The following ZNF100 variants were observed in gnomAD, a reference collection of about 807,000 sequenced individuals.
ZNF100 encodes the protein zinc finger protein 100, also known as zinc finger protein 100 (Y1).
A neutral mutation model predicts 15.8 loss-of-function variants in ZNF100; 12 were observed. That is an observed-to-expected ratio of 0.76 (90% CI 0.49 to 1.23). ZNF100 has a LOEUF of 1.23. ZNF100 is among the 50% of genes most tolerant of loss of function. The pLI, the probability that ZNF100 is intolerant of heterozygous loss-of-function variation, is 0.00. For synonymous variants in ZNF100, 226 were observed against 214.8 expected (o/e 1.05, Z -0.45); for missense variants, 670 against 635.6 (o/e 1.05, Z -0.58).
chr19:21,745,122 AATTT>A, intron 2 of ZNF100, 55 bp from the exon 3 acceptor site: 3 of 1,551,354 alleles, frequency 1.9e-6, no homozygotes, highest in Non-Finnish European at 1.7e-6. Context: ...CCATGGGCAG[AATTT>A]ATTATTTGAA....
At chr19:21,745,346 G>T (rs371984189) in intron 2 of ZNF100, among the ~76,000 whole-genome samples, 3 of 152,036 alleles carry the variant, frequency 2.0e-5, no homozygotes, top group Non-Finnish European at 4.4e-5. Flanking sequence ...ATACATTTTT[G>T]AGTGTTATTA....
intron 2 of ZNF100, among the ~76,000 whole-genome samples, chr19:21,755,953 G>C (rs2036387034): frequency 6.6e-6 from 1 of 152,138 alleles, no homozygotes; most frequent in East Asian, 1.9e-4. Context: ...TGAGGAGACA[G>C]AACATAGAGG....
intron 2 of ZNF100, among the ~76,000 whole-genome samples, chr19:21,747,124 T>C (rs1481100437): frequency 1.3e-5 from 2 of 152,150 alleles, no homozygotes; most frequent in Non-Finnish European, 2.9e-5. Context: ...CAGCAATTTC[T>C]GCTACAGTAA....
At chr19:21,742,862 T>C (rs949217218) in intron 4 of ZNF100, among the ~76,000 whole-genome samples, 2 of 152,062 alleles carry the variant, frequency 1.3e-5, no homozygotes, top group Non-Finnish European at 2.9e-5. Flanking sequence ...ACAATCTTAT[T>C]TACAATAGCA....
At chr19:21,754,034 T>G (rs910454679) in intron 2 of ZNF100, among the ~76,000 whole-genome samples, 2 of 152,230 alleles carry the variant, frequency 1.3e-5, no homozygotes, top group African/African-American at 4.8e-5. Context: ...ATTAGTGTTC[T>G]CAATTATGTG....
intron 2 of ZNF100, among the ~76,000 whole-genome samples, chr19:21,754,345 CTCA>C (rs1370341418): frequency 2.0e-5 from 3 of 151,834 alleles, no homozygotes; most frequent in East Asian, 1.9e-4. Context: ...GTTTTTATTT[CTCA>C]TGTTTATATT....
chr19:21,765,393 G>GC (rs1407701694), intron 2 of ZNF100, among the ~76,000 whole-genome samples: 2 of 152,172 alleles, frequency 1.3e-5, no homozygotes, highest in African/African-American at 4.8e-5. Context: ...ACTGCATTAT[G>GC]CCCCAGTGAC....
At chr19:21,738,668 C>T (rs1271375487) in intron 4 of ZNF100, among the ~76,000 whole-genome samples, 8 of 151,940 alleles carry the variant, frequency 5.3e-5, no homozygotes, top group African/African-American at 1.5e-4. Context: ...GGTGAAAAAG[C>T]CAGGTTCAGG....
Position 21,738,120 on chromosome 19 carries a change from G to A in ZNF100, c.322+5897C>T, listed in dbSNP as rs185897916. ...ACAAAAATTATCTGGGTGTGGTAGC[G>A]CACGCCTGTGATCCCAGCTACTCAG... On this transcript the variant is annotated intron_variant, in intron 4 of 4. Coordinates refer to ENST00000358296, the MANE Select transcript of ZNF100 (RefSeq NM_173531.4). Among the ~76,000 whole-genome samples the A allele has an allele frequency of 4.1e-3, 616 of 151,556 alleles. 3 individuals carry two copies. The highest frequency in any genetic ancestry group is 0.014 in the African/African-American group (589 of 41,358).
chr19:21,760,087 CAGG>C (rs1293318690), intron 2 of ZNF100, among the ~76,000 whole-genome samples: 1 of 149,174 alleles, frequency 6.7e-6, no homozygotes, highest in Non-Finnish European at 1.5e-5. Context: ...GAGGCTGAGG[CAGG>C]AGAATTGCTT....
In ZNF100 at chr19:21,727,685, T is replaced by G. The variant is rs911429087; in HGVS notation, c.627A>C (p.Lys209Asn). The change falls in exon 5 of 5, where the codon AAA becomes AAC. Residue 209 changes from lysine to asparagine, a missense_variant. Physicochemically the swap from Lys to Asn is moderately conservative, Grantham distance 94. Transcript: ENST00000358296. ...AAAGCATGCAAAATGATTTTTCACA[T>G]TTTTTACATTTGAAAGGTTTCTTTC... ...HTRKKPFKCK[K>N]CEKSFCMLLH... is the part of the protein sequence containing the mutation. 4.3e-6 allele frequency: 7 copies of G among 1,612,934 alleles called. No homozygotes were observed. In the African/African-American group the frequency reaches 6.7e-5, roughly 15 times the overall value.
intron 4 of ZNF100, among the ~76,000 whole-genome samples, chr19:21,740,405 GAT>G (rs2036087003): frequency 6.6e-6 from 1 of 151,914 alleles, no homozygotes; most frequent in South Asian, 2.1e-4. Context: ...CATTTTCTTA[GAT>G]ACAACATTAA....
At chr19:21,762,135 G>C (rs2036492856) in intron 2 of ZNF100, among the ~76,000 whole-genome samples, 1 of 152,034 alleles carries the variant, frequency 6.6e-6, no homozygotes, top group Non-Finnish European at 1.5e-5. Flanking sequence ...CCAAGATCAT[G>C]CCACTGCACT....
intron 2 of ZNF100, chr19:21,751,958 T>A (rs1178620917): frequency 9.2e-6 from 4 of 435,898 alleles, no homozygotes; most frequent in Non-Finnish European, 1.7e-5. Flanking sequence ...GGGACCTTCA[T>A]CTACAAAGAC....
In ZNF100 at chr19:21,726,464, T is replaced by C. The variant is rs2035787196; in HGVS notation, c.*219A>G. ...ACATTTCTAGGATTTCTCAACACTA[T>C]GATTTATGTTTTGAAAAGTTTGAGG... On this transcript the variant is annotated 3_prime_UTR_variant, in exon 5 of 5. Coordinates refer to ENST00000358296, the MANE Select transcript of ZNF100 (RefSeq NM_173531.4). The C allele has an allele frequency of 2.0e-6, 1 of 508,914 alleles. No homozygotes were observed. The highest frequency in any genetic ancestry group is 3.4e-6 in the Non-Finnish European group (1 of 290,776). The allele number at this position is 508,914 out of a possible 1,614,324, so 31.5% of individuals were successfully genotyped here. A position where few individuals can be genotyped will look rare whatever the true frequency, so the allele number is the denominator to read the frequency against.
intron 4 of ZNF100, among the ~76,000 whole-genome samples, chr19:21,742,298 CA>C (rs60364887): frequency 0.079 from 10,770 of 135,542 alleles, 558 homozygotes; most frequent in South Asian, 0.17. Context: ...CTCTGTCCCC[CA>C]CCCAAAAAAA....
intron 4 of ZNF100, among the ~76,000 whole-genome samples, chr19:21,741,946 G>A (rs1244761409): frequency 1.3e-5 from 2 of 151,978 alleles, no homozygotes; most frequent in East Asian, 3.9e-4. Flanking sequence ...CCAAAATCCT[G>A]GGATTACAGC....
At chr19:21,740,190 G>C (rs2036083461) in intron 4 of ZNF100, among the ~76,000 whole-genome samples, 1 of 152,180 alleles carries the variant, frequency 6.6e-6, no homozygotes, top group Non-Finnish European at 1.5e-5. Context: ...ATGATTAAAT[G>C]ATCTTCCACA....
intron 2 of ZNF100, among the ~76,000 whole-genome samples, chr19:21,748,816 T>C (rs1233380363): frequency 6.6e-6 from 1 of 152,212 alleles, no homozygotes; most frequent in Non-Finnish European, 1.5e-5. Context: ...GTGATTCTCC[T>C]GCCTCAGCCT....
Sources: allele counts gnomAD v4.1 joint callset (sites outside exome capture counted in the v4.1 genomes callset), GRCh38; gene constraint gnomAD v4.1.1; transcripts MANE v1.5; gene names NCBI Gene and HGNC (gene_info 2026-07-23, HGNC 2026-07-21).